NAV3: variants seen among roughly 807,000 people sequenced by gnomAD.
NAV3 encodes the protein neuron navigator 3.
In NAV3, 87 loss-of-function variants were observed where a neutral mutation model predicts 244.7. The observed-to-expected ratio is 0.36, with a 90% confidence interval of 0.30 to 0.42. NAV3 has a LOEUF of 0.42. Among genes scored for constraint, NAV3 ranks in the 20% least tolerant of loss-of-function variants. The pLI is 1.00. For missense variants in NAV3, 2,663 were observed against 2,893.3 expected (o/e 0.92, Z 1.83); for synonymous variants, 1,126 against 1,042.2 (o/e 1.08, Z -1.55).
At chr12:77,766,109 C>A (rs1321217179) in intron 2 of NAV3, among the ~76,000 whole-genome samples, 1 of 152,044 alleles carries the variant, frequency 6.6e-6, no homozygotes, top group East Asian at 1.9e-4. Context: ...AAGGAAATGG[C>A]AAATGAAGAC....
intron 22 of NAV3, among the ~76,000 whole-genome samples, chr12:78,154,313 G>GTAATATATTACTATATAATATATAA (rs1957208200): frequency 1.5e-5 from 2 of 130,482 alleles, no homozygotes; most frequent in African/African-American, 5.7e-5. Flanking sequence ...ATAATATATA[G>GTAATATATTACTATATAATATATAA]TATATATATA....
chr12:77,883,357 C>T (rs140966794), intron 1 of NAV3, among the ~76,000 whole-genome samples: 17 of 152,142 alleles, frequency 1.1e-4, no homozygotes, highest in East Asian at 3.9e-4. Context: ...AAGCAAATAC[C>T]GCATGTTCTC....
chr12:77,878,321 G>A (rs1309471536), intron 1 of NAV3, among the ~76,000 whole-genome samples: 1 of 152,036 alleles, frequency 6.6e-6, no homozygotes, highest in Admixed American at 6.6e-5. Flanking sequence ...CACCTCCCTG[G>A]TTCAAGCAAT....
chr12:78,059,229 AAAT>A (rs1883954874), intron 12 of NAV3, 114 bp downstream of exon 12: 3 of 933,490 alleles, frequency 3.2e-6, no homozygotes, highest in Non-Finnish European at 4.5e-6. Context: ...TTATTTTGAT[AAAT>A]AATTATTTTA....
intron 1 of NAV3, among the ~76,000 whole-genome samples, chr12:77,937,588 C>T (rs1889446635): frequency 6.6e-6 from 1 of 152,118 alleles, no homozygotes. Context: ...AGAGACATTA[C>T]AGGTCTGAAT....
At chr12:77,715,526 A>C (rs1042106078) in intron 2 of NAV3, among the ~76,000 whole-genome samples, 78 of 152,102 alleles carry the variant, frequency 5.1e-4, no homozygotes, top group African/African-American at 1.8e-3. Context: ...AGTGGATAAA[A>C]TATAATTTTT....
At chr12:78,179,470 T>C (rs890789331) in intron 28 of NAV3, 59 bp from the exon 29 acceptor site, 3 of 1,603,126 alleles carry the variant, frequency 1.9e-6, no homozygotes, top group Non-Finnish European at 2.6e-6. Flanking sequence ...AAAGAGGCAG[T>C]GCTTTTCTTA....
At chr12:78,123,348 T>A (rs1293598398) in intron 16 of NAV3, among the ~76,000 whole-genome samples, 10 of 152,042 alleles carry the variant, frequency 6.6e-5, no homozygotes, top group Middle Eastern at 3.4e-3. Context: ...TTTTTATTTT[T>A]TTTTTATTTT....
At chr12:78,205,559 A>C (rs1419803986) in intron 39 of NAV3, among the ~76,000 whole-genome samples, 1 of 152,068 alleles carries the variant, frequency 6.6e-6, no homozygotes, top group African/African-American at 2.4e-5. Context: ...TAACCTGACT[A>C]ATTTTATAGA....
chr12:77,772,539 C>G (rs1009006780), intron 2 of NAV3, among the ~76,000 whole-genome samples: 3 of 152,112 alleles, frequency 2.0e-5, no homozygotes, highest in African/African-American at 7.2e-5. Flanking sequence ...CTTCACTGAG[C>G]AAAACTAGCA....
chr12:77,757,366 G>C (rs986762868), intron 2 of NAV3, among the ~76,000 whole-genome samples: 2 of 152,128 alleles, frequency 1.3e-5, no homozygotes, highest in South Asian at 2.1e-4. Context: ...AAAATATTTA[G>C]ACAAAACTAG....
chr12:77,624,876 T>C (rs1220759354), intron 2 of NAV3, among the ~76,000 whole-genome samples: 2 of 152,206 alleles, frequency 1.3e-5, no homozygotes, highest in Non-Finnish European at 1.5e-5. Context: ...TTCCAGCCTT[T>C]GATTTTGCCT....
chr12:77,625,679 C>T (rs1474438524), intron 2 of NAV3, among the ~76,000 whole-genome samples: 1 of 152,140 alleles, frequency 6.6e-6, no homozygotes, highest in Non-Finnish European at 1.5e-5. Flanking sequence ...CAAACAGACA[C>T]CACTGGTGCT....
At chr12:78,156,905 C>CA (rs1957326947) in intron 22 of NAV3, among the ~76,000 whole-genome samples, 1 of 152,062 alleles carries the variant, frequency 6.6e-6, no homozygotes, top group Non-Finnish European at 1.5e-5. Flanking sequence ...GGATGAATCT[C>CA]AAAACCCATG....
intron 5 of NAV3, among the ~76,000 whole-genome samples, chr12:77,970,268 C>T (rs779387650): frequency 6.6e-6 from 1 of 152,150 alleles, no homozygotes; most frequent in Non-Finnish European, 1.5e-5. Context: ...AACCTACTAA[C>T]ATTCAGTTAA....
intron 19 of NAV3, among the ~76,000 whole-genome samples, chr12:78,138,678 A>G (rs1369238327): frequency 2.6e-5 from 4 of 152,244 alleles, no homozygotes; most frequent in African/African-American, 9.6e-5. Flanking sequence ...GCTTCTTATA[A>G]TACTTTTAAA....
chr12:77,942,159 G>A (rs920290526), intron 3 of NAV3, among the ~76,000 whole-genome samples: 2 of 152,220 alleles, frequency 1.3e-5, no homozygotes, highest in African/African-American at 4.8e-5. Context: ...GATGACCTGA[G>A]GTCGGGAGTT....
chr12:77,640,689 T>G (rs952223088), intron 2 of NAV3, among the ~76,000 whole-genome samples: 1 of 152,184 alleles, frequency 6.6e-6, no homozygotes, highest in Non-Finnish European at 1.5e-5. Context: ...AAGTAGATTT[T>G]ATGTGCTCTT....
At chr12:77,703,289 C>T (rs915360379) in intron 2 of NAV3, among the ~76,000 whole-genome samples, 6 of 152,012 alleles carry the variant, frequency 3.9e-5, no homozygotes, top group Non-Finnish European at 8.8e-5. Context: ...AGTACATGAT[C>T]GTGTGTCTGT....
Sources: gnomAD v4.1 joint callset for allele counts (sites outside exome capture counted in the v4.1 genomes callset) on GRCh38, gnomAD v4.1.1 for gene constraint, MANE v1.5 for transcripts, NCBI Gene and HGNC (gene_info 2026-07-23, HGNC 2026-07-21) for gene names.